The following WDR12 variants were observed in gnomAD, a reference collection of about 807,000 sequenced individuals.
The protein encoded by WDR12 is WD repeat domain 12.
WDR12 carries 42 observed loss-of-function variants against 64.3 expected under a neutral mutation model. The ratio of observed to expected loss-of-function variants is 0.65; its 90% confidence interval spans 0.51 to 0.84. WDR12 has a LOEUF of 0.84. Ranked by LOEUF, WDR12 falls within the 40% of genes least tolerant of loss-of-function variation. The pLI is 0.00. For synonymous variants in WDR12, 158 were observed against 173.3 expected (o/e 0.91, Z 0.70); for missense variants, 469 against 494.6 (o/e 0.95, Z 0.49).
intron 10 of WDR12, 79 bp downstream of exon 10, chr2:202,884,119 C>A (rs939777254): frequency 2.5e-5 from 37 of 1,478,710 alleles, no homozygotes; most frequent in Non-Finnish European, 3.3e-5. Flanking sequence ...CCAGAAATTC[C>A]TTTTTTTGTA....
At chr2:202,887,366 G>A (rs2105904475) in intron 8 of WDR12, among the ~76,000 whole-genome samples, 1 of 152,192 alleles carries the variant, frequency 6.6e-6, no homozygotes, top group Non-Finnish European at 1.5e-5. Context: ...ACTTATAATT[G>A]TAAAAACCAT....
intron 4 of WDR12, among the ~76,000 whole-genome samples, chr2:202,899,031 G>GTTTT: frequency 8.2e-6 from 1 of 121,880 alleles, no homozygotes; most frequent in African/African-American, 3.2e-5. Flanking sequence ...AAATACCTGT[G>GTTTT]GTTTTTTTTT....
chr2:202,900,645 A>G (rs1687558757), intron 3 of WDR12, among the ~76,000 whole-genome samples: 1 of 152,196 alleles, frequency 6.6e-6, no homozygotes, highest in Non-Finnish European at 1.5e-5. Context: ...ACAGTAACTT[A>G]ACCCATAGTT....
intron 8 of WDR12, among the ~76,000 whole-genome samples, chr2:202,887,396 A>T (rs921031895): frequency 2.0e-5 from 3 of 152,204 alleles, no homozygotes; most frequent in Non-Finnish European, 2.9e-5. Flanking sequence ...TCTGTAGCAC[A>T]AAAATAGGTG....
intron 2 of WDR12, among the ~76,000 whole-genome samples, chr2:202,904,500 A>G (rs1260394456): frequency 6.6e-6 from 1 of 152,162 alleles, no homozygotes; most frequent in African/African-American, 2.4e-5. Flanking sequence ...AGACACATAC[A>G]CCAATGGAAC....
chr2:202,884,219 G>A lies in WDR12; in HGVS notation c.967C>T (p.Leu323=). 1 of 1,613,194 alleles carries A rather than the reference G, an allele frequency of 6.2e-7. No individual in the cohort carries two copies. ...ASGSTDRHIR[L]WDPRTKDGSL... Reference sequence around the variant, plus strand: ...TCACCTTTAGTTCGGGGATCCCACAGTCTGATATGCCTATCTGTGCTTCCA... The same window carrying A: ...TCACCTTTAGTTCGGGGATCCCACAATCTGATATGCCTATCTGTGCTTCCA... The change falls in exon 10 of 13, where the codon CTG becomes TTG. Residue 323 remains leucine (L), a synonymous_variant. Transcript: ENST00000261015.
chr2:202,898,239 C>T (rs1192225254), intron 4 of WDR12, among the ~76,000 whole-genome samples: 2 of 152,024 alleles, frequency 1.3e-5, no homozygotes, highest in South Asian at 2.1e-4. Context: ...CAACCTCTGC[C>T]TCCTGGGTTC....
In WDR12 at chr2:202,876,384, C is replaced by G. The variant is rs1687859245; in HGVS notation, c.*4476G>C. ...AAAGAGATATATTTGGTTCATATAA[C>G]AAAATACTGTTATTGTGTTTGATAC... On this transcript the variant is annotated 3_prime_UTR_variant, in exon 13 of 13. Transcript: ENST00000261015. 6.6e-6 allele frequency: 1 copy of G among 152,106 alleles called. No homozygotes were observed. Among genetic ancestry groups the G allele is most frequent in the Non-Finnish European group, 1.5e-5 (1 of 68,030 alleles). The allele number at this position is 152,106 out of a possible 1,614,324, so 9.4% of individuals were successfully genotyped here.
chr2:202,900,221 T>G (rs1688324488), intron 3 of WDR12, among the ~76,000 whole-genome samples: 1 of 151,822 alleles, frequency 6.6e-6, no homozygotes, highest in Non-Finnish European at 1.5e-5. Context: ...TCCCACTACT[T>G]TGGAGGCTGA....
intron 2 of WDR12, among the ~76,000 whole-genome samples, chr2:202,906,732 C>T (rs564368607): frequency 1.8e-4 from 28 of 152,202 alleles, no homozygotes; most frequent in African/African-American, 6.3e-4. Context: ...GGCATGGTAG[C>T]GGGCACCTGT....
chr2:202,894,793 G>A, intron 6 of WDR12, 167 bp from the exon 7 acceptor site: 1 of 503,022 alleles, frequency 2.0e-6, no homozygotes, highest in South Asian at 3.9e-5. Context: ...TAAAATCTGG[G>A]AAATCTTGAA....
rs985414410 is a variant in WDR12 at position 202,895,862 on chromosome 2, T to C, written c.609+203A>G. 9.6e-6 allele frequency: 5 copies of C among 522,666 alleles called. No individual in the cohort carries two copies. In the African/African-American group the frequency reaches 9.7e-5, roughly 10 times the overall value. 32.4% of individuals were successfully genotyped at this position (522,666 alleles called of 1,614,324 possible). ...CATTTCTTAAAATTTCTGGAGTTTA[T>C]ATAAGGTTCTAAACCAGGGATTCAA... On this transcript the variant is annotated intron_variant, in intron 6 of 12. Coordinates refer to ENST00000261015, the MANE Select transcript of WDR12 (RefSeq NM_018256.4).
intron 6 of WDR12, 120 bp from the exon 7 acceptor site, chr2:202,894,746 A>C (rs774042116): frequency 1.8e-5 from 14 of 773,040 alleles, no homozygotes; most frequent in Admixed American, 7.4e-5. Flanking sequence ...CACAGAACTG[A>C]AATTAGCCTT....
chr2:202,893,676 T>C (rs1279258987), intron 7 of WDR12, among the ~76,000 whole-genome samples: 1 of 152,186 alleles, frequency 6.6e-6, no homozygotes, highest in Non-Finnish European at 1.5e-5. Context: ...TTCTGATTTG[T>C]TTACCTATGC....
In WDR12 at chr2:202,878,389, T is replaced by C. The variant is rs1687897889; in HGVS notation, c.*2471A>G. The C allele has an allele frequency of 6.6e-6, 1 of 152,208 alleles. No individual in the cohort carries two copies. The highest frequency in any genetic ancestry group is 1.5e-5 in the Non-Finnish European group (1 of 68,038). The allele number at this position is 152,208 out of a possible 1,614,324, so 9.4% of individuals were successfully genotyped here. On this transcript the variant is annotated 3_prime_UTR_variant, in exon 13 of 13. Transcript: ENST00000261015. ...TCTTTGTCCTCTCAAAGTTAGAAGA[T>C]TTCCAGAGACTACAAATACAATAAA...
chr2:202,902,380 A>G (rs373086378), intron 2 of WDR12, among the ~76,000 whole-genome samples: 4 of 152,220 alleles, frequency 2.6e-5, no homozygotes, highest in African/African-American at 9.7e-5. Context: ...TGAAGGATGC[A>G]AAGTATTGTT....
At chr2:202,887,980 T>G (rs1246688768) in intron 8 of WDR12, among the ~76,000 whole-genome samples, 1 of 152,042 alleles carries the variant, frequency 6.6e-6, no homozygotes, top group Non-Finnish European at 1.5e-5. Flanking sequence ...TCCTAGGCAT[T>G]TATCCAAGAT....
At position 202,875,109 on chromosome 2, in the gene WDR12, C is replaced by G. The variant is rs1311373733; in HGVS notation, c.*5751G>C. On this transcript the variant is annotated 3_prime_UTR_variant, in exon 13 of 13. Coordinates refer to ENST00000261015, the MANE Select transcript of WDR12 (RefSeq NM_018256.4). ...GCTCCATTAATTGGTTACATACCTTCACACTAGGTACTTAACCTGTCTGCA... is the reference window on the plus strand; with the variant it reads ...GCTCCATTAATTGGTTACATACCTTGACACTAGGTACTTAACCTGTCTGCA... The G allele has an allele frequency of 6.6e-6, 1 of 152,176 alleles. No individual in the cohort carries two copies. Among genetic ancestry groups the G allele is most frequent in the Non-Finnish European group, 1.5e-5 (1 of 68,024 alleles). The allele number at this position is 152,176 out of a possible 1,614,324, so 9.4% of individuals were successfully genotyped here. A position where few individuals can be genotyped will look rare whatever the true frequency, so the allele number is the denominator to read the frequency against.
chr2:202,910,759 T>G (rs1466557039), intron 1 of WDR12, among the ~76,000 whole-genome samples: 7 of 152,204 alleles, frequency 4.6e-5, no homozygotes, highest in Admixed American at 4.6e-4. Flanking sequence ...GAAGATGATT[T>G]ACTAGCTCTC....
Sources: gnomAD v4.1 joint callset for allele counts (sites outside exome capture counted in the v4.1 genomes callset) on GRCh38, gnomAD v4.1.1 for gene constraint, MANE v1.5 for transcripts, NCBI Gene and HGNC (gene_info 2026-07-23, HGNC 2026-07-21) for gene names.